NUGGC: variants seen among roughly 807,000 people sequenced by gnomAD.
NUGGC encodes nuclear GTPase SLIP-GC.
Under a neutral mutation model 92.6 loss-of-function variants are expected in NUGGC, and 58 were observed. The observed-to-expected ratio is 0.63, with a 90% CI of 0.51 to 0.78. The LOEUF (loss-of-function observed/expected upper bound fraction) is 0.78, where lower values mean the gene tolerates loss of function less well. NUGGC is among the 30% of genes least tolerant of loss of function. The pLI is 0.00. For missense variants in NUGGC, 925 were observed against 964.6 expected (o/e 0.96, Z 0.54); for synonymous variants, 376 against 366.4 (o/e 1.03, Z -0.30).
intron 7 of NUGGC, among the ~76,000 whole-genome samples, chr8:28,063,310 C>T (rs1289201407): frequency 6.6e-6 from 1 of 152,194 alleles, no homozygotes; most frequent in Non-Finnish European, 1.5e-5. Flanking sequence ...CCAGATCTGC[C>T]GTCTTTGATA....
chr8:28,037,659 C>T (rs981393784), intron 13 of NUGGC, among the ~76,000 whole-genome samples: 15 of 152,182 alleles, frequency 9.9e-5, no homozygotes, highest in Non-Finnish European at 2.2e-4. Context: ...ATTCTCTTTT[C>T]TCAGGGATTG....
chr8:28,066,221 T>C (rs1177100893), intron 6 of NUGGC, among the ~76,000 whole-genome samples: 1 of 152,258 alleles, frequency 6.6e-6, no homozygotes, highest in Non-Finnish European at 1.5e-5. Context: ...ATGCTCAGTC[T>C]ATGTTTTAGA....
intron 17 of NUGGC, among the ~76,000 whole-genome samples, chr8:28,027,723 G>A (rs1043923896): frequency 3.3e-5 from 5 of 152,088 alleles, no homozygotes; most frequent in African/African-American, 1.2e-4. Context: ...ATACATCTCA[G>A]CTCTAGCCAT....
At chr8:28,071,952 A>G (rs577133043) in intron 2 of NUGGC, among the ~76,000 whole-genome samples, 1 of 152,334 alleles carries the variant, frequency 6.6e-6, no homozygotes, top group South Asian at 2.1e-4. Flanking sequence ...GTGGCATCCA[A>G]GAACGGCAGC....
rs1397335600 is a variant in NUGGC at position 28,056,054 on chromosome 8, G to A, written c.1117C>T (p.Gln373Ter). ...EYLRERKAGN[Q>*]AIQSQREAVL... ...GCCTCTCGCTGACTCTGAATAGCTT[G>A]CTAGGTTGTGAAAGGAAATAGAAGC... Residue 373 changes from glutamine to a stop codon, truncating the protein, a stop_gained and splice_region_variant, in exon 10 of 19, where the codon CAA (glutamine) becomes TAA (stop). Transcript: ENST00000413272. LOFTEE classifies it high-confidence loss of function. 1.9e-6 allele frequency: 3 copies of A among 1,543,134 alleles called. No homozygotes were observed. The highest frequency in any genetic ancestry group is 8.8e-7 in the Non-Finnish European group (1 of 1,134,210).
At chr8:28,046,990 G>C (rs1297509446) in intron 11 of NUGGC, among the ~76,000 whole-genome samples, 1 of 151,222 alleles carries the variant, frequency 6.6e-6, no homozygotes, top group East Asian at 1.9e-4. Flanking sequence ...TGTGTTTTGA[G>C]ACAGAGTTTC....
intron 10 of NUGGC, 75 bp from the exon 11 acceptor site, chr8:28,047,687 G>T: frequency 1.1e-6 from 1 of 869,832 alleles, no homozygotes. Flanking sequence ...GGACCCACAA[G>T]AGCCTTCAGC....
chr8:28,055,694 A>G (rs1328678903), intron 10 of NUGGC, among the ~76,000 whole-genome samples: 1 of 152,174 alleles, frequency 6.6e-6, no homozygotes, highest in African/African-American at 2.4e-5. Flanking sequence ...TTAGCCAGAC[A>G]TGGCGGTGCA....
intron 6 of NUGGC, among the ~76,000 whole-genome samples, chr8:28,065,005 G>A (rs892459392): frequency 1.3e-5 from 2 of 152,082 alleles, no homozygotes; most frequent in Admixed American, 6.6e-5. Context: ...TGAATAATAA[G>A]TTTATCTTCT....
chr8:28,038,531 C>T (rs564481601), intron 13 of NUGGC, among the ~76,000 whole-genome samples: 7 of 152,108 alleles, frequency 4.6e-5, no homozygotes, highest in East Asian at 1.9e-4. Flanking sequence ...TAACTTGTCC[C>T]GGTCACATAG....
chr8:28,076,614 A>G (rs1435285993), intron 1 of NUGGC, among the ~76,000 whole-genome samples: 1 of 152,138 alleles, frequency 6.6e-6, no homozygotes, highest in Non-Finnish European at 1.5e-5. Flanking sequence ...CATTTTTGGT[A>G]TGTTAGAGTC....
At chr8:28,027,345 T>C (rs546768298) in intron 17 of NUGGC, among the ~76,000 whole-genome samples, 8 of 152,218 alleles carry the variant, frequency 5.3e-5, no homozygotes, top group Non-Finnish European at 8.8e-5. Context: ...CAGGAGCTAA[T>C]GGGGAAGCAT....
At position 28,060,585 on chromosome 8, in the gene NUGGC, G is replaced by A. The variant is rs1309757872; in HGVS notation, c.938C>T (p.Ser313Leu). ...TATGTCGCTGATCACCCAGATCACTGAGCACTTGTCAATGGTCTGCAAAAC... is the reference window on the plus strand; with the variant it reads ...TATGTCGCTGATCACCCAGATCACTAAGCACTTGTCAATGGTCTGCAAAAC... ...EMWKKTIDKCSVIWVISDIER... is the reference protein window; with the variant it reads ...EMWKKTIDKCLVIWVISDIER... The change falls in exon 8 of 19, where the codon TCA (serine) becomes TTA (leucine). Residue 313 changes from serine (S) to leucine (L), a missense_variant. Physicochemically the swap from Ser to Leu is moderately radical, Grantham distance 145. Coordinates refer to ENST00000413272, the MANE Select transcript of NUGGC (RefSeq NM_001010906.2). 1 of 1,611,788 alleles carries A rather than the reference G, an allele frequency of 6.2e-7. No individual in the cohort carries two copies. The highest frequency in any genetic ancestry group is 2.2e-5 in the East Asian group (1 of 44,858).
intron 10 of NUGGC, among the ~76,000 whole-genome samples, chr8:28,049,090 A>G (rs1312506315): frequency 6.6e-6 from 1 of 152,104 alleles, no homozygotes; most frequent in Non-Finnish European, 1.5e-5. Flanking sequence ...AGAGTTGTCA[A>G]TCTCTTTCTG....
chr8:28,033,833 G>A, intron 13 of NUGGC, 136 bp from the exon 14 acceptor site: 1 of 820,106 alleles, frequency 1.2e-6, no homozygotes, highest in Non-Finnish European at 1.9e-6. Context: ...TTAAATATAT[G>A]ATTAAACTAA....
rs752972112 is a variant in NUGGC at position 28,033,690 on chromosome 8, T to C, written c.1619A>G (p.Lys540Arg). Residue 540 changes from lysine to arginine, a missense_variant, in exon 14 of 19, where the codon AAA (lysine) becomes AGA (arginine). Transcript: ENST00000413272. ...GGTCTGATGAAAACCTTGGTTTCCT[T>C]TACTCCTCTAGACAATCAACAATAA... ...CILRACLVRS[K>R]GNQGFHQTLK... 9.9e-6 allele frequency: 16 copies of C among 1,613,724 alleles called. No homozygotes were observed. Among genetic ancestry groups the C allele is most frequent in the Middle Eastern group, 3.3e-4 (2 of 6,084 alleles).
chr8:28,070,023 G>A (rs1585599230), intron 3 of NUGGC: 3 of 817,802 alleles, frequency 3.7e-6, no homozygotes, highest in South Asian at 1.1e-4. Context: ...CACAGGCTTT[G>A]TTCTAATCTG....
At chr8:28,073,206 T>C (rs1272018524) in intron 2 of NUGGC, among the ~76,000 whole-genome samples, 1 of 143,486 alleles carries the variant, frequency 7.0e-6, no homozygotes, top group Non-Finnish European at 1.5e-5. Context: ...AGTGATGAGG[T>C]CTTGCTGTGT....
intron 18 of NUGGC, among the ~76,000 whole-genome samples, chr8:28,024,106 C>T (rs1234518926): frequency 6.6e-6 from 1 of 152,082 alleles, no homozygotes; most frequent in Admixed American, 6.6e-5. Flanking sequence ...TCACTGCAAC[C>T]TCTGCCTCCC....
Sources: gnomAD v4.1 joint callset for allele counts (sites outside exome capture counted in the v4.1 genomes callset) on GRCh38, gnomAD v4.1.1 for gene constraint, MANE v1.5 for transcripts, NCBI Gene and HGNC (gene_info 2026-07-23, HGNC 2026-07-21) for gene names.